Variants in DDX42 observed in about 807,000 individuals in gnomAD.
DDX42 encodes the protein DEAD-box helicase 42.
In DDX42, 22 loss-of-function variants were observed where a neutral mutation model predicts 101.5. The ratio of observed to expected loss-of-function variants is 0.22; its 90% CI spans 0.15 to 0.31. The LOEUF (loss-of-function observed/expected upper bound fraction) is 0.31. DDX42 is among the 10% of genes least tolerant of loss of function. DDX42 has a pLI of 1.00. For missense variants in DDX42, 849 were observed against 1,199.9 expected, an observed-to-expected ratio of 0.71 and a Z score of 4.32; for synonymous variants, 402 against 401.2, an observed-to-expected ratio of 1.00 and a Z score of -0.02.
chr17:63,803,904 C>T (rs1056693638), intron 6 of DDX42, among the ~76,000 whole-genome samples: 2 of 152,078 alleles, frequency 1.3e-5, no homozygotes, highest in Non-Finnish European at 2.9e-5. Flanking sequence ...TCGGCCTCAG[C>T]CTCCCAAAGT....
chr17:63,792,109 T>C (rs759198345), intron 2 of DDX42, among the ~76,000 whole-genome samples: 4 of 151,898 alleles, frequency 2.6e-5, no homozygotes, highest in Non-Finnish European at 5.9e-5. Context: ...CATATTTATC[T>C]AACAATGGTC....
intron 12 of DDX42, 99 bp downstream of exon 12, chr17:63,810,659 G>C (rs373279048): frequency 8.3e-7 from 1 of 1,202,756 alleles, no homozygotes; most frequent in Non-Finnish European, 1.2e-6. Flanking sequence ...ATGATCTTGT[G>C]TCTGTTGGTG....
rs2039997424 is a variant in DDX42, at chr17:63,817,940, G to A, written c.2359G>A (p.Val787Ile). 3.7e-6 allele frequency: 6 copies of A among 1,614,184 alleles called. No homozygotes were observed. The highest frequency in any genetic ancestry group is 2.2e-5 in the South Asian group (2 of 91,080). The change falls in exon 18 of 18, where the codon GTC becomes ATC. Residue 787 changes from valine (V) to isoleucine (I), a missense_variant. Val to Ile is a conservative substitution (Grantham distance 29, BLOSUM62 3). Transcript: ENST00000389924. ...VTYPSAGAQGVNNTASGNNSR... is the reference protein window; with the variant it reads ...VTYPSAGAQGINNTASGNNSR... The stretch of plus-strand genomic sequence containing the variant: ...CTACCCGTCTGCCGGAGCCCAAGGA[G>A]TCAACAACACAGCTTCAGGGAATAA...
At position 63,807,722 on chromosome 17, in the gene DDX42, AG is replaced by A; in HGVS notation, c.848del. ...AGTGGTTATATTTTACTTTTTCTCC[AG>A]GGTGTGCCTGTGGCATTAAGTGGTA... On this transcript the variant is annotated splice_acceptor_variant, in intron 8 of 17. Coordinates refer to ENST00000389924, the MANE Select transcript of DDX42 (RefSeq NM_203499.3). LOFTEE classifies it high-confidence loss of function. The A allele has an allele frequency of 6.2e-7, 1 of 1,606,330 alleles. No individual in the cohort carries two copies. The highest frequency in any genetic ancestry group is 8.5e-7 in the Non-Finnish European group (1 of 1,177,154).
chr17:63,810,113 A>G, intron 11 of DDX42: 1 of 190,506 alleles, frequency 5.2e-6, no homozygotes, highest in Non-Finnish European at 1.1e-5. Flanking sequence ...TTCTTGAGAC[A>G]GAGTTTTGCT....
chr17:63,811,134 G>C lies in DDX42; in HGVS notation c.1359G>C (p.Leu453=). 1 of 1,614,158 alleles carries C rather than the reference G, an allele frequency of 6.2e-7. No homozygotes were observed. Among genetic ancestry groups the C allele is most frequent in the Non-Finnish European group, 8.5e-7 (1 of 1,180,014 alleles). ...TTGAAAAGTTGGCCAGAGACATCCT[G>C]ATCGACCCTATTCGAGTGGTGCAGG... ...KKIEKLARDI[L]IDPIRVVQGD... is the part of the protein sequence containing the mutation. Residue 453 remains leucine (L), a synonymous_variant, in exon 13 of 18, where the codon CTG becomes CTC. Transcript: ENST00000389924.
intron 14 of DDX42, among the ~76,000 whole-genome samples, 178 bp downstream of exon 14, chr17:63,812,386 CTAGATACCACTTTTCACTTAG>C (rs923883962): frequency 1.5e-4 from 23 of 152,330 alleles, no homozygotes; most frequent in African/African-American, 4.6e-4. Flanking sequence ...GTCTGGAGCT[CTAGATACCACTTTTCACTTAG>C]TATTTCTCTC....
intron 1 of DDX42, among the ~76,000 whole-genome samples, chr17:63,783,979 A>G (rs967197345): frequency 1.3e-5 from 2 of 152,064 alleles, no homozygotes; most frequent in Non-Finnish European, 2.9e-5. Context: ...CAGGATAATC[A>G]CTTGAACCAT....
chr17:63,810,251 ATTTTTTT>A, intron 11 of DDX42: 1 of 119,926 alleles, frequency 8.3e-6, no homozygotes, highest in African/African-American at 3.3e-5. Flanking sequence ...CAGCCTGGCT[ATTTTTTT>A]TTTTTTTTTT....
Position 63,816,896 on chromosome 17 carries a change from A to T in DDX42, c.2042A>T (p.Asn681Ile). The T allele has an allele frequency of 6.2e-7, 1 of 1,613,788 alleles. No homozygotes were observed. Reference protein sequence around the residue: ...MDRGNNNVMSNYEAYKPSTGA... With the variant: ...MDRGNNNVMSIYEAYKPSTGA... ...CGAGGAAATAACAATGTAATGAGCA[A>T]TTATGAGGCCTACAAGCCTTCCACA... The change falls in exon 17 of 18, where the codon AAT becomes ATT. Residue 681 changes from asparagine (N) to isoleucine (I), a missense_variant. Physicochemically the swap from Asn to Ile is moderately radical, Grantham distance 149. Around this residue, in one of 5 missense-constraint regions of DDX42, gnomAD observed 86 missense variants for 160.8 expected, o/e 0.53. Coordinates refer to ENST00000389924, the MANE Select transcript of DDX42 (RefSeq NM_203499.3).
chr17:63,784,530 C>T (rs564237732), intron 1 of DDX42, among the ~76,000 whole-genome samples: 2 of 152,212 alleles, frequency 1.3e-5, no homozygotes, highest in African/African-American at 4.8e-5. Context: ...CTGTTAATTC[C>T]AGCACTTTGG....
In DDX42 at chr17:63,784,246, G is replaced by A. The variant is rs118142943; in HGVS notation, c.-16-2788G>A. Among the ~76,000 whole-genome samples, 430 of 152,086 alleles carry A rather than the reference G, an allele frequency of 2.8e-3. 1 individual carries two copies. Among genetic ancestry groups the A allele is most frequent in the Non-Finnish European group, 4.3e-3 (295 of 67,966 alleles). ...AGTTTTTGGAATTTTTTTCCACCCT[G>A]GCTTCAAAGCTAGTGGAAATTAAAA... is the stretch of plus-strand genomic sequence containing the variant. On this transcript the variant is annotated intron_variant, in intron 1 of 17. Transcript: ENST00000389924.
chr17:63,787,156 A>G lies in DDX42; in HGVS notation c.107A>G (p.His36Arg). 1 of 1,614,212 alleles carries G rather than the reference A, an allele frequency of 6.2e-7. No homozygotes were observed. Among genetic ancestry groups the G allele is most frequent in the East Asian group, 2.2e-5 (1 of 44,880 alleles). Residue 36 changes from histidine to arginine, a missense_variant, in exon 2 of 18, where the codon CAC (histidine) becomes CGC (arginine). Transcript: ENST00000389924. ...GAACCCAAACTCCCACAGCAGTCCC[A>G]CAGTGCCTTTGGGGCAACCAGCTCT... is the stretch of plus-strand genomic sequence containing the variant. ...KEEPKLPQQS[H>R]SAFGATSSSS...
intron 15 of DDX42, among the ~76,000 whole-genome samples, chr17:63,814,011 TG>T (rs1157017244): frequency 2.0e-5 from 3 of 152,124 alleles, no homozygotes; most frequent in Admixed American, 1.3e-4. Context: ...GGCCAATTTT[TG>T]TAATTTTAGT....
In DDX42 at chr17:63,802,327, TATG is replaced by T. The variant is rs148523593; in HGVS notation, c.621+1713_621+1715del. On this transcript the variant is annotated intron_variant, in intron 6 of 17. Coordinates refer to ENST00000389924, the MANE Select transcript of DDX42 (RefSeq NM_203499.3). ...AAAGCATTTCTGTTGCATACCAAAATATGATAGCCATTTCAAGGAAAAGCACTT... is the reference window on the plus strand; with the variant it reads ...AAAGCATTTCTGTTGCATACCAAAATATAGCCATTTCAAGGAAAAGCACTT... Among the ~76,000 whole-genome samples the T allele has an allele frequency of 2.4e-4, 37 of 152,332 alleles. 1 individual carries two copies. In the East Asian group the frequency reaches 7.1e-3, roughly 29 times the overall value.
intron 3 of DDX42, 96 bp downstream of exon 3, chr17:63,792,658 C>T (rs1598329277): frequency 3.8e-6 from 5 of 1,326,744 alleles, no homozygotes; most frequent in Admixed American, 2.8e-5. Flanking sequence ...GTTTTCTAGT[C>T]TTATTATTTT....
At chr17:63,813,987 C>T (rs1180543690) in intron 15 of DDX42, among the ~76,000 whole-genome samples, 1 of 152,032 alleles carries the variant, frequency 6.6e-6, no homozygotes, top group East Asian at 1.9e-4. Context: ...TTACAGGCGC[C>T]CACCACCACG....
intron 8 of DDX42, among the ~76,000 whole-genome samples, chr17:63,807,185 A>G (rs1389465260): frequency 2.0e-5 from 3 of 152,116 alleles, no homozygotes; most frequent in Admixed American, 6.5e-5. Flanking sequence ...CTGTTGTCCA[A>G]GCTGGAGTGC....
At position 63,810,953 on chromosome 17, in the gene DDX42, T is replaced by A. The variant is rs909067843; in HGVS notation, c.1301-123T>A. The stretch of plus-strand genomic sequence containing the variant: ...TTCCCTAGTGAATCAGTTTCTAAAC[T>A]AAATTTAAAGTTCAGGTGAGCTTAT... On this transcript the variant is annotated intron_variant, in intron 12 of 17. Coordinates refer to ENST00000389924, the MANE Select transcript of DDX42 (RefSeq NM_203499.3). The A allele has an allele frequency of 8.1e-6, 6 of 738,994 alleles. No homozygotes were observed. In the African/African-American group the frequency reaches 1.1e-4, roughly 13 times the overall value. The allele number at this position is 738,994 out of a possible 1,614,324, so 45.8% of individuals were successfully genotyped here. A position where few individuals can be genotyped will look rare whatever the true frequency, so the allele number is the denominator to read the frequency against.
Sources: allele counts gnomAD v4.1 joint callset (sites outside exome capture counted in the v4.1 genomes callset), GRCh38; gene constraint gnomAD v4.1.1; regional missense constraint gnomAD v4.1.1; transcripts MANE v1.5; gene names NCBI Gene and HGNC (gene_info 2026-07-23, HGNC 2026-07-21).